The following ZNF804B variants were observed in gnomAD, a reference collection of about 807,000 sequenced individuals.
The protein encoded by ZNF804B is zinc finger 804B.
ZNF804B carries 80 observed loss-of-function variants against 101.4 expected under a neutral mutation model. That is an observed-to-expected ratio of 0.79 (90% CI 0.66 to 0.95). The LOEUF (loss-of-function observed/expected upper bound fraction) is 0.95. Among genes scored for constraint, ZNF804B ranks in the 40% least tolerant of loss-of-function variants. ZNF804B has a pLI of 0.00. For synonymous variants in ZNF804B, 622 were observed against 558.8 expected, an observed-to-expected ratio of 1.11 and a Z score of -1.59; for missense variants, 1,673 against 1,561.9, an observed-to-expected ratio of 1.07 and a Z score of -1.20.
At chr7:89,233,864 T>C (rs952043254) in intron 2 of ZNF804B, among the ~76,000 whole-genome samples, 14 of 152,182 alleles carry the variant, frequency 9.2e-5, no homozygotes, top group African/African-American at 2.4e-4. Context: ...CTTCAGGTGA[T>C]CCGCCTGCCT....
chr7:89,214,233 A>T (rs112345534), intron 1 of ZNF804B, among the ~76,000 whole-genome samples: 5,443 of 152,220 alleles, frequency 0.036, 300 homozygotes, highest in African/African-American at 0.12. Context: ...TTTATTTTCA[A>T]CCTTTAATGA....
intron 1 of ZNF804B, among the ~76,000 whole-genome samples, chr7:88,909,950 C>A (rs549404498): frequency 9.9e-5 from 15 of 151,872 alleles, no homozygotes; most frequent in African/African-American, 3.4e-4. Flanking sequence ...CTCTTTAATG[C>A]AGTTTTAATG....
At chr7:88,797,260 T>C (rs937329302) in intron 1 of ZNF804B, among the ~76,000 whole-genome samples, 1 of 152,086 alleles carries the variant, frequency 6.6e-6, no homozygotes, top group Non-Finnish European at 1.5e-5. Flanking sequence ...GGTTCTTGAT[T>C]TACACTACCT....
At chr7:88,868,466 T>TA (rs1791770969) in intron 1 of ZNF804B, among the ~76,000 whole-genome samples, 2 of 152,232 alleles carry the variant, frequency 1.3e-5, no homozygotes. Flanking sequence ...AAATAATTTT[T>TA]ACCTCTTTTG....
At chr7:88,774,124 A>C (rs536030073) in intron 1 of ZNF804B, among the ~76,000 whole-genome samples, 1 of 151,954 alleles carries the variant, frequency 6.6e-6, no homozygotes, top group Non-Finnish European at 1.5e-5. Flanking sequence ...CTTAGGTCAG[A>C]GTTTAAAATT....
chr7:88,840,779 G>T (rs1031745354), intron 1 of ZNF804B, among the ~76,000 whole-genome samples: 3 of 152,094 alleles, frequency 2.0e-5, no homozygotes, highest in African/African-American at 7.2e-5. Context: ...AAAGTGTTAT[G>T]AGGTGTGATG....
At chr7:88,838,796 A>T (rs1791253689) in intron 1 of ZNF804B, among the ~76,000 whole-genome samples, 1 of 151,970 alleles carries the variant, frequency 6.6e-6, no homozygotes, top group Non-Finnish European at 1.5e-5. Context: ...GAGTTCCTTG[A>T]ACTAATAAAT....
Position 89,334,884 on chromosome 7 carries a change from T to G in ZNF804B, c.1902T>G (p.Phe634Leu). 1 of 1,613,828 alleles carries G rather than the reference T, an allele frequency of 6.2e-7. No individual in the cohort carries two copies. Residue 634 changes from phenylalanine (F) to leucine (L), a missense_variant, in exon 4 of 4, where the codon TTT becomes TTG. Physicochemically the swap from Phe to Leu is conservative, Grantham distance 22. Transcript: ENST00000333190. ...DLSFPSYISRFKKHKLIPCSP... is the reference protein window; with the variant it reads ...DLSFPSYISRLKKHKLIPCSP... ...CTTTTCCTTCCTACATCTCTAGGTT[T>G]AAAAAGCATAAATTGATTCCCTGCA... is the stretch of plus-strand genomic sequence containing the variant.
intron 2 of ZNF804B, among the ~76,000 whole-genome samples, chr7:89,262,236 G>GT (rs974338388): frequency 6.6e-6 from 1 of 152,178 alleles, no homozygotes; most frequent in African/African-American, 2.4e-5. Context: ...TTTTTTAATA[G>GT]TTTTTTCTCT....
At chr7:88,770,503 C>T (rs543439830) in intron 1 of ZNF804B, among the ~76,000 whole-genome samples, 5 of 152,244 alleles carry the variant, frequency 3.3e-5, no homozygotes, top group Admixed American at 6.5e-5. Flanking sequence ...TGATTTGTGC[C>T]CAGTGGAGCT....
intron 2 of ZNF804B, among the ~76,000 whole-genome samples, chr7:89,302,140 T>C (rs1425179055): frequency 6.6e-6 from 1 of 151,900 alleles, no homozygotes; most frequent in African/African-American, 2.4e-5. Context: ...CTACATCTGT[T>C]GCATCATTCT....
intron 1 of ZNF804B, among the ~76,000 whole-genome samples, chr7:88,846,453 T>G (rs1235322117): frequency 6.6e-6 from 1 of 152,236 alleles, no homozygotes; most frequent in Admixed American, 6.5e-5. Context: ...ACAAATGTTA[T>G]ATGTTATCTC....
At chr7:89,285,948 G>GA (rs1179257495) in intron 2 of ZNF804B, among the ~76,000 whole-genome samples, 1 of 146,988 alleles carries the variant, frequency 6.8e-6, no homozygotes, top group Non-Finnish European at 1.5e-5. Flanking sequence ...TACTCAATAT[G>GA]GGCACAATGA....
chr7:89,016,820 G>C (rs1217624298), intron 1 of ZNF804B, among the ~76,000 whole-genome samples: 1 of 152,188 alleles, frequency 6.6e-6, no homozygotes, highest in African/African-American at 2.4e-5. Flanking sequence ...GGCGATGCGG[G>C]CTCCTTTTTG....
Position 89,204,104 on chromosome 7 carries a change from T to C in ZNF804B, c.109-14051T>C, listed in dbSNP as rs1237986866. Among the ~76,000 whole-genome samples, 6 of 152,340 alleles carry C rather than the reference T, an allele frequency of 3.9e-5. No individual in the cohort carries two copies. In the East Asian group the frequency reaches 9.6e-4, roughly 24 times the overall value. On this transcript the variant is annotated intron_variant, in intron 1 of 3. Coordinates refer to ENST00000333190, the MANE Select transcript of ZNF804B (RefSeq NM_181646.5). Reference sequence around the variant, plus strand: ...AATTAAAAGAAAAATGGTTTGTAACTGAGCAGGTATCACTAGCAACTTTCC... The same window carrying C: ...AATTAAAAGAAAAATGGTTTGTAACCGAGCAGGTATCACTAGCAACTTTCC...
At chr7:89,269,646 TCCACA>T (rs1180946037) in intron 2 of ZNF804B, among the ~76,000 whole-genome samples, 1 of 152,172 alleles carries the variant, frequency 6.6e-6, no homozygotes, top group Non-Finnish European at 1.5e-5. Context: ...CACACTGACT[TCCACA>T]ATGGTTGAAC....
Position 89,097,313 on chromosome 7 carries a change from G to A in ZNF804B, c.109-120842G>A, listed in dbSNP as rs187669642. 3.3e-4 allele frequency among the ~76,000 whole-genome samples: 50 copies of A among 152,302 alleles called. 1 individual carries two copies. Among genetic ancestry groups the A allele is most frequent in the Admixed American group, 1.0e-3 (16 of 15,294 alleles). Reference sequence around the variant, plus strand: ...CATGGCTCACAGATCAATTTCTGCAGTGTGGATGTTTGTAATATACATAAA... The same window carrying A: ...CATGGCTCACAGATCAATTTCTGCAATGTGGATGTTTGTAATATACATAAA... On this transcript the variant is annotated intron_variant, in intron 1 of 3. Coordinates refer to ENST00000333190, the MANE Select transcript of ZNF804B (RefSeq NM_181646.5).
chr7:89,096,843 A>G (rs1160351583), intron 1 of ZNF804B, among the ~76,000 whole-genome samples: 1 of 152,194 alleles, frequency 6.6e-6, no homozygotes, highest in Non-Finnish European at 1.5e-5. Context: ...CTATGTCTAC[A>G]CAAAATAAAA....
chr7:88,971,167 G>A (rs530210007), intron 1 of ZNF804B, among the ~76,000 whole-genome samples: 1 of 151,562 alleles, frequency 6.6e-6, no homozygotes, highest in East Asian at 2.0e-4. Flanking sequence ...AGCTCTTTCA[G>A]CAAAGATTTG....
Sources: gnomAD v4.1 joint callset for allele counts (sites outside exome capture counted in the v4.1 genomes callset) on GRCh38, gnomAD v4.1.1 for gene constraint, MANE v1.5 for transcripts, NCBI Gene and HGNC (gene_info 2026-07-23, HGNC 2026-07-21) for gene names.